ACOXL: variants seen among roughly 807,000 people sequenced by gnomAD.
The protein encoded by ACOXL is acyl-CoA oxidase like, also known as acyl-coenzyme A oxidase-like protein.
ACOXL carries 70 observed loss-of-function variants against 71.9 expected under a neutral mutation model. The observed-to-expected ratio is 0.97, with a 90% CI of 0.80 to 1.19. The LOEUF is 1.19. ACOXL is among the 50% of genes most tolerant of loss of function. ACOXL has a pLI of 0.00. For synonymous variants in ACOXL, 253 were observed against 281.6 expected, an observed-to-expected ratio of 0.90 and a Z score of 1.02; for missense variants, 703 against 736.3, an observed-to-expected ratio of 0.95 and a Z score of 0.52.
chr2:110,751,653 A>G (rs1429743918), intron 1 of ACOXL, among the ~76,000 whole-genome samples: 4 of 152,216 alleles, frequency 2.6e-5, no homozygotes, highest in Non-Finnish European at 5.9e-5. Flanking sequence ...ATATACACCT[A>G]TGTAACCCAA....
In ACOXL at chr2:110,793,735, A is replaced by G. The variant is rs1316497010; in HGVS notation, c.245A>G (p.Gln82Arg). 1 of 1,612,554 alleles carries G rather than the reference A, an allele frequency of 6.2e-7. No homozygotes were observed. Among genetic ancestry groups the G allele is most frequent in the Non-Finnish European group, 8.5e-7 (1 of 1,178,658 alleles). Residue 82 changes from glutamine (Q) to arginine (R), a missense_variant and splice_region_variant, in exon 4 of 18, where the codon CAG becomes CGG. Transcript: ENST00000439055. ...GTTACTAAGTGGTTTCAGCCACTCCAGGTATGGTATTTTCCTCAACATTGG... is the reference window on the plus strand; with the variant it reads ...GTTACTAAGTGGTTTCAGCCACTCCGGGTATGGTATTTTCCTCAACATTGG... ...EHVTKWFQPL[Q>R]EQKYTGMFAM...
intron 1 of ACOXL, among the ~76,000 whole-genome samples, chr2:110,764,740 T>C (rs1680831682): frequency 2.6e-5 from 4 of 152,282 alleles, no homozygotes; most frequent in South Asian, 4.1e-4. Flanking sequence ...GCTATACACA[T>C]GTGGGGGCAG....
chr2:111,046,234 C>T (rs532200525), intron 15 of ACOXL, among the ~76,000 whole-genome samples: 1 of 152,306 alleles, frequency 6.6e-6, no homozygotes, highest in African/African-American at 2.4e-5. Context: ...GCTCCGGGCT[C>T]CACACGTCAC....
intron 12 of ACOXL, among the ~76,000 whole-genome samples, chr2:110,961,756 A>C (rs986272416): frequency 1.3e-5 from 2 of 152,162 alleles, no homozygotes; most frequent in Non-Finnish European, 2.9e-5. Flanking sequence ...ATGGCTGGAG[A>C]GGCTCCACAA....
chr2:111,057,279 C>T lies in ACOXL; in HGVS notation c.1440+7991C>T, dbSNP rs2066589977. Reference sequence around the variant, plus strand: ...AGTGTTTCAGGTGCACTGATGCATGCCTTGAGAGCTGACTGCCAAAATAGG... The same window carrying T: ...AGTGTTTCAGGTGCACTGATGCATGTCTTGAGAGCTGACTGCCAAAATAGG... On this transcript the variant is annotated intron_variant, in intron 16 of 17. Transcript: ENST00000439055. Among the ~76,000 whole-genome samples the T allele has an allele frequency of 1.3e-5, 2 of 152,176 alleles. 1 individual carries two copies. Among genetic ancestry groups the T allele is most frequent in the South Asian group, 4.1e-4 (2 of 4,824 alleles).
chr2:110,827,872 C>A (rs1049279878), intron 9 of ACOXL, among the ~76,000 whole-genome samples: 2 of 152,190 alleles, frequency 1.3e-5, no homozygotes, highest in Non-Finnish European at 2.9e-5. Flanking sequence ...CATTAAATCC[C>A]AAGCATCTTT....
intron 9 of ACOXL, among the ~76,000 whole-genome samples, chr2:110,819,525 G>A (rs939162674): frequency 1.3e-5 from 2 of 152,136 alleles, no homozygotes; most frequent in African/African-American, 2.4e-5. Context: ...TAAAGGATGA[G>A]CCCAAGAGGA....
chr2:110,897,092 T>G (rs28855178), intron 10 of ACOXL, among the ~76,000 whole-genome samples: 47,653 of 151,992 alleles, frequency 0.31, 7,790 homozygotes, highest in Middle Eastern at 0.38. Context: ...AAACTCGCCA[T>G]CACTTCCTAA....
In ACOXL at chr2:111,049,226, G is replaced by C. The variant is rs1319767832; in HGVS notation, c.1378G>C (p.Glu460Gln). Reference sequence around the variant, plus strand: ...CATTTCTTCCCTTCCAGTTACCTTAGAGCAGTTCTCCCTAGCAGTGAAGAG... The same window carrying C: ...CATTTCTTCCCTTCCAGTTACCTTACAGCAGTTCTCCCTAGCAGTGAAGAG... ...SLAHTHRVTL[E>Q]QFSLAVKSCP... Residue 460 changes from glutamate to glutamine, a missense_variant, in exon 16 of 18, where the codon GAG (glutamate) becomes CAG (glutamine). Glu to Gln is a conservative substitution (Grantham distance 29, BLOSUM62 2). Transcript: ENST00000439055. The C allele has an allele frequency of 3.1e-6, 5 of 1,611,182 alleles. No homozygotes were observed. The highest frequency in any genetic ancestry group is 3.4e-6 in the Non-Finnish European group (4 of 1,177,348).
chr2:110,971,842 A>G (rs1210017103), intron 12 of ACOXL, among the ~76,000 whole-genome samples: 2 of 152,238 alleles, frequency 1.3e-5, no homozygotes, highest in Non-Finnish European at 2.9e-5. Flanking sequence ...AGTAATTCAG[A>G]CATTACATTA....
intron 9 of ACOXL, among the ~76,000 whole-genome samples, chr2:110,813,964 G>C (rs554554249): frequency 6.6e-6 from 1 of 152,266 alleles, no homozygotes; most frequent in East Asian, 1.9e-4. Flanking sequence ...TTACACTCTG[G>C]TATTCCAGCA....
Position 110,837,010 on chromosome 2 carries a change from C to A in ACOXL, c.754-4361C>A, listed in dbSNP as rs1293522820. On this transcript the variant is annotated intron_variant, in intron 9 of 17. Transcript: ENST00000439055. Reference sequence around the variant, plus strand: ...ACGTGGAAATTTTCATAATAAAAAACCCCATTATCCAGCTTTTGTTGAAGA... The same window carrying A: ...ACGTGGAAATTTTCATAATAAAAAAACCCATTATCCAGCTTTTGTTGAAGA... Among the ~76,000 whole-genome samples the A allele has an allele frequency of 3.3e-5, 5 of 152,218 alleles. No homozygotes were observed. The South Asian group carries it at 6.2e-4, about 19-fold the overall frequency.
intron 10 of ACOXL, among the ~76,000 whole-genome samples, chr2:110,878,376 G>A (rs908662994): frequency 1.6e-4 from 24 of 152,226 alleles, no homozygotes; most frequent in African/African-American, 5.8e-4. Context: ...CCTAATACAT[G>A]GAGACAAAGA....
rs555427126 is a variant in ACOXL at position 110,933,638 on chromosome 2, G to C, written c.1055G>C (p.Gly352Ala). The stretch of plus-strand genomic sequence containing the variant: ...CAGGACTGCCGCGAGTGCACTGGAG[G>C]CATGGTGAGCCCCAAGGCCTGCAGC... ...CLQDCRECTGGMVVGRELLAQ... is the reference protein window; with the variant it reads ...CLQDCRECTGAMVVGRELLAQ... The change falls in exon 12 of 18, where the codon GGC (glycine) becomes GCC (alanine). Residue 352 changes from glycine to alanine, a missense_variant. Physicochemically the swap from Gly to Ala is moderately conservative, Grantham distance 60. Transcript: ENST00000439055. 53 of 1,609,952 alleles carry C rather than the reference G, an allele frequency of 3.3e-5. No individual in the cohort carries two copies. The highest frequency in any genetic ancestry group is 4.2e-5 in the Non-Finnish European group (50 of 1,178,534).
At chr2:111,084,721 T>C (rs1385588326) in intron 16 of ACOXL, among the ~76,000 whole-genome samples, 2 of 151,994 alleles carry the variant, frequency 1.3e-5, no homozygotes, top group East Asian at 3.9e-4. Context: ...CACATATCAA[T>C]ACTAACCTTA....
intron 15 of ACOXL, among the ~76,000 whole-genome samples, chr2:111,041,792 C>A (rs1427288486): frequency 2.0e-5 from 3 of 152,220 alleles, no homozygotes; most frequent in Non-Finnish European, 4.4e-5. Flanking sequence ...TCATCTCTTC[C>A]TGAGTGAATG....
intron 16 of ACOXL, among the ~76,000 whole-genome samples, chr2:111,077,557 T>C (rs2067664112): frequency 6.6e-6 from 1 of 152,236 alleles, no homozygotes. Context: ...TTTCCATTTT[T>C]CCTTCCTTCA....
chr2:111,011,851 T>G (rs1183039721), intron 14 of ACOXL, among the ~76,000 whole-genome samples: 1 of 131,774 alleles, frequency 7.6e-6, no homozygotes, highest in African/African-American at 2.9e-5. Context: ...ACCACTGCAC[T>G]CCAGCCTGGG....
chr2:110,780,035 A>G (rs1289188909), intron 2 of ACOXL, among the ~76,000 whole-genome samples: 1 of 152,252 alleles, frequency 6.6e-6, no homozygotes, highest in African/African-American at 2.4e-5. Context: ...AAAGTAGGAA[A>G]AAATCTGTAA....
Sources: allele counts gnomAD v4.1 joint callset (sites outside exome capture counted in the v4.1 genomes callset), GRCh38; gene constraint gnomAD v4.1.1; transcripts MANE v1.5; gene names NCBI Gene and HGNC (gene_info 2026-07-23, HGNC 2026-07-21).